RANBP2: variants seen among roughly 807,000 people sequenced by gnomAD.
The protein encoded by RANBP2 is RAN binding protein 2.
In RANBP2, 57 loss-of-function variants were observed where a neutral mutation model predicts 303.6. That is an observed-to-expected ratio of 0.19 (90% CI 0.15 to 0.23). RANBP2 has a LOEUF of 0.23. RANBP2 is among the 10% of genes least tolerant of loss of function. RANBP2 has a pLI of 1.00. For missense variants in RANBP2, 3,138 were observed against 3,780.8 expected (o/e 0.83, Z 4.46); for synonymous variants, 1,167 against 1,301.5 (o/e 0.90, Z 2.23).
chr2:108,835,566 TTAAA>T, the RANBP2 span, among the ~76,000 whole-genome samples: 1 of 152,228 alleles, frequency 6.6e-6, no homozygotes, highest in Non-Finnish European at 1.5e-5. Context: ...TAACCATAGT[TTAAA>T]TACCTTACAT....
At chr2:109,650,368 G>C in the RANBP2 span, among the ~76,000 whole-genome samples, 1 of 152,210 alleles carries the variant, frequency 6.6e-6, no homozygotes, top group African/African-American at 2.4e-5. Context: ...TGGAGGTGAA[G>C]CCAGGTGTCC....
the RANBP2 span, among the ~76,000 whole-genome samples, chr2:109,478,680 G>A: frequency 7.9e-5 from 12 of 152,146 alleles, no homozygotes; most frequent in Non-Finnish European, 1.5e-4. Flanking sequence ...CAAAAATACG[G>A]TGTGGTGGGG....
the RANBP2 span, among the ~76,000 whole-genome samples, chr2:109,598,382 C>T: frequency 5.3e-5 from 8 of 151,964 alleles, no homozygotes; most frequent in Non-Finnish European, 1.2e-4. Context: ...AATCACTTGA[C>T]TTTAACTTCA....
the RANBP2 span, among the ~76,000 whole-genome samples, chr2:109,264,752 G>A: frequency 2.0e-5 from 3 of 152,166 alleles, no homozygotes; most frequent in Non-Finnish European, 4.4e-5. Flanking sequence ...CAGGCCCACT[G>A]GGCGGGCATC....
the RANBP2 span, among the ~76,000 whole-genome samples, chr2:109,536,314 A>G: frequency 6.6e-6 from 1 of 152,250 alleles, no homozygotes; most frequent in East Asian, 1.9e-4. Context: ...GAGCTGCCCA[A>G]GACCATGGGA....
chr2:109,667,296 G>A, the RANBP2 span: 1 of 674,790 alleles, frequency 1.5e-6, no homozygotes, highest in Non-Finnish European at 2.7e-6. Flanking sequence ...TGAAAGGAAG[G>A]TCCTGTGGCC....
At chr2:109,294,359 G>A in the RANBP2 span, among the ~76,000 whole-genome samples, 1 of 151,980 alleles carries the variant, frequency 6.6e-6, no homozygotes, top group Non-Finnish European at 1.5e-5. Context: ...CCAGGAGCTC[G>A]AGACCAGCTT....
the RANBP2 span, among the ~76,000 whole-genome samples, chr2:109,699,102 C>T: frequency 6.6e-6 from 1 of 152,138 alleles, no homozygotes; most frequent in Non-Finnish European, 1.5e-5. Flanking sequence ...GGTTGTGAAG[C>T]CTGCTTACCT....
the RANBP2 span, among the ~76,000 whole-genome samples, chr2:109,336,018 C>T: frequency 1.3e-5 from 2 of 152,210 alleles, no homozygotes; most frequent in African/African-American, 4.8e-5. Context: ...TGACTGGCAA[C>T]ATCTGGAACC....
chr2:109,437,168 C>T, the RANBP2 span: 1 of 1,589,630 alleles, frequency 6.3e-7, no homozygotes, highest in South Asian at 1.1e-5. Context: ...GGGGCCTCAC[C>T]CTGCAGGGCA....
chr2:109,337,448 A>C, the RANBP2 span, among the ~76,000 whole-genome samples: 2 of 152,130 alleles, frequency 1.3e-5, no homozygotes, highest in Non-Finnish European at 2.9e-5. Flanking sequence ...CCCCTCGCAT[A>C]TGGCGAAATG....
chr2:108,917,761 C>G, the RANBP2 span, among the ~76,000 whole-genome samples: 1 of 152,074 alleles, frequency 6.6e-6, no homozygotes, highest in East Asian at 1.9e-4. Context: ...GCCACTGTCA[C>G]TACACATATA....
At chr2:109,765,888 GA>G in the RANBP2 span, among the ~76,000 whole-genome samples, 20 of 150,796 alleles carry the variant, frequency 1.3e-4, no homozygotes, top group African/African-American at 4.6e-4. Context: ...CATGGTGCCA[GA>G]AAATGCTACA....
chr2:108,944,938 G>C, the RANBP2 span, among the ~76,000 whole-genome samples: 8 of 152,288 alleles, frequency 5.3e-5, no homozygotes, highest in East Asian at 1.9e-4. Context: ...GAAGGCCTAG[G>C]GTGTCCCTGC....
the RANBP2 span, among the ~76,000 whole-genome samples, chr2:109,256,734 A>G: frequency 3.9e-5 from 6 of 152,164 alleles, no homozygotes; most frequent in Non-Finnish European, 7.3e-5. Flanking sequence ...AATCAGGGAA[A>G]GGGAATACAT....
the RANBP2 span, among the ~76,000 whole-genome samples, chr2:108,807,780 G>A: frequency 6.6e-6 from 1 of 152,050 alleles, no homozygotes; most frequent in African/African-American, 2.4e-5. Context: ...ACCACACCTG[G>A]CTAATTTTTG....
the RANBP2 span, among the ~76,000 whole-genome samples, chr2:109,469,584 C>G: frequency 6.6e-6 from 1 of 151,968 alleles, no homozygotes; most frequent in African/African-American, 2.4e-5. Context: ...GTGACTTCTC[C>G]TAGGTGGGCT....
the RANBP2 span, chr2:109,130,056 C>T: frequency 7.3e-7 from 1 of 1,368,324 alleles, no homozygotes; most frequent in South Asian, 1.7e-5. Context: ...CGGCCGCGGG[C>T]AGCACCGCCG....
rs772322432 is a variant in RANBP2, at chr2:108,768,189, T to C, written c.7650T>C (p.Asn2550=). The change falls in exon 20 of 29, where the codon AAT becomes AAC. Residue 2550 remains asparagine, a synonymous_variant. Transcript: ENST00000283195. ...GGTCTTTGTTTGGATTTAGTTTTAA[T>C]GCACCTTTGAAAAGTAACAATAGTG... is the stretch of plus-strand genomic sequence containing the variant. ...ATGSLFGFSF[N]APLKSNNSET... 2 of 1,612,034 alleles carry C rather than the reference T, an allele frequency of 1.2e-6. No individual in the cohort carries two copies. The highest frequency in any genetic ancestry group is 1.7e-6 in the Non-Finnish European group (2 of 1,179,862).
Sources: allele counts gnomAD v4.1 joint callset (sites outside exome capture counted in the v4.1 genomes callset), GRCh38; gene constraint gnomAD v4.1.1; transcripts MANE v1.5; gene names NCBI Gene and HGNC (gene_info 2026-07-23, HGNC 2026-07-21).